The following ESCO1 variants were observed in gnomAD, a reference collection of about 807,000 sequenced individuals.
ESCO1 encodes the protein N-acetyltransferase ESCO1.
A neutral mutation model predicts 83.5 loss-of-function variants in ESCO1; 33 were observed. That is an observed-to-expected ratio of 0.40 (90% CI 0.30 to 0.53). The LOEUF (loss-of-function observed/expected upper bound fraction) is 0.53, where lower values mean the gene tolerates loss of function less well. Among genes scored for constraint, ESCO1 ranks in the 20% least tolerant of loss-of-function variants. ESCO1 has a pLI of 0.63. For missense variants in ESCO1, 855 were observed against 968.0 expected, an observed-to-expected ratio of 0.88 and a Z score of 1.55; for synonymous variants, 332 against 324.3, an observed-to-expected ratio of 1.02 and a Z score of -0.25.
chr18:21,533,085 T>G (rs1323904295), intron 10 of ESCO1, among the ~76,000 whole-genome samples: 1 of 152,046 alleles, frequency 6.6e-6, no homozygotes, highest in Non-Finnish European at 1.5e-5. Context: ...CTGTCACAGT[T>G]CTAGATTTCA....
At chr18:21,588,393 GC>G (rs2038613027) in intron 1 of ESCO1, among the ~76,000 whole-genome samples, 1 of 151,292 alleles carries the variant, frequency 6.6e-6, no homozygotes, top group Admixed American at 6.6e-5. Context: ...CTAAGGAGTA[GC>G]CATTTTTTAT....
rs57346736 is a variant in ESCO1, at chr18:21,551,112, C to CAAA, written c.1953+9744_1953+9746dup. On this transcript the variant is annotated intron_variant, in intron 8 of 11. Transcript: ENST00000269214. ...GGGCTGCAAGAGCAAAACTCTGTCTCAAAAAAAAAAAAAAAAAGAAAACAA... is the reference window on the plus strand; with the variant it reads ...GGGCTGCAAGAGCAAAACTCTGTCTCAAAAAAAAAAAAAAAAAAAAGAAAACAA... 9.4e-3 allele frequency among the ~76,000 whole-genome samples: 710 copies of CAAA among 75,246 alleles called. 11 individuals carry two copies. Among genetic ancestry groups the CAAA allele is most frequent in the African/African-American group, 0.037 (684 of 18,254 alleles). The allele number at this position is 75,246 out of a possible 152,430, so 49.4% of individuals were successfully genotyped here. A position where few individuals can be genotyped will look rare whatever the true frequency, so the allele number is the denominator to read the frequency against.
chr18:21,584,101 T>C (rs1183834128), intron 2 of ESCO1, among the ~76,000 whole-genome samples: 2 of 152,194 alleles, frequency 1.3e-5, no homozygotes, highest in Admixed American at 1.3e-4. Context: ...TGATGATTTC[T>C]AAACAAGAGA....
At chr18:21,556,934 C>A (rs2146194003) in intron 8 of ESCO1, among the ~76,000 whole-genome samples, 2 of 152,250 alleles carry the variant, frequency 1.3e-5, no homozygotes, top group Middle Eastern at 6.8e-3. Flanking sequence ...CTCCTGATCT[C>A]AAGTGATCCA....
intron 8 of ESCO1, among the ~76,000 whole-genome samples, chr18:21,551,739 AG>A (rs528412234): frequency 1.7e-4 from 26 of 152,338 alleles, no homozygotes; most frequent in Non-Finnish European, 3.7e-4. Context: ...TTGGGCTGGA[AG>A]GTATAGAGAG....
chr18:21,554,638 G>A (rs751809091), intron 8 of ESCO1, among the ~76,000 whole-genome samples: 19 of 152,112 alleles, frequency 1.2e-4, no homozygotes, highest in Admixed American at 2.6e-4. Flanking sequence ...GGCAAGGCGT[G>A]GTGGCTCACA....
chr18:21,540,925 T>C (rs1334246939), intron 8 of ESCO1, among the ~76,000 whole-genome samples: 4 of 152,122 alleles, frequency 2.6e-5, no homozygotes, highest in Admixed American at 2.6e-4. Flanking sequence ...CTGATGTTTC[T>C]TCTAAGAACA....
intron 8 of ESCO1, chr18:21,540,737 A>T: frequency 8.0e-7 from 1 of 1,250,742 alleles, no homozygotes. Context: ...AAGCCACTTA[A>T]ATCTAGTAAG....
At chr18:21,588,980 G>A (rs897948003) in intron 1 of ESCO1, among the ~76,000 whole-genome samples, 1 of 152,084 alleles carries the variant, frequency 6.6e-6, no homozygotes, top group African/African-American at 2.4e-5. Flanking sequence ...GGTGGCTCAC[G>A]CCTGTAAGCC....
chr18:21,573,316 T>C lies in ESCO1; in HGVS notation c.1528A>G (p.Lys510Glu), dbSNP rs2146210010. ...MKHSFDSASN[K>E]NFSQCLESKL... ...TGTGCATAATAAAAACAGATTACCT[T>C]ATTTGATGCTGAATCAAAAGAATGT... The change falls in exon 4 of 12, where the codon AAG (lysine) becomes GAG (glutamate). Residue 510 changes from lysine (K) to glutamate (E), a missense_variant and splice_region_variant. Lys to Glu is a moderately conservative substitution (Grantham distance 56, BLOSUM62 1). Transcript: ENST00000269214. 6.4e-7 allele frequency: 1 copy of C among 1,565,368 alleles called. No individual in the cohort carries two copies. Among genetic ancestry groups the C allele is most frequent in the East Asian group, 2.2e-5 (1 of 44,694 alleles).
At chr18:21,572,735 T>C (rs533587310) in intron 4 of ESCO1, among the ~76,000 whole-genome samples, 8 of 151,772 alleles carry the variant, frequency 5.3e-5, no homozygotes, top group South Asian at 4.2e-4. Context: ...GAGGCCGAGG[T>C]GGATGGATTA....
At chr18:21,540,062 ATATTC>A in intron 8 of ESCO1, 53 bp from the exon 9 acceptor site, 2 of 1,420,520 alleles carry the variant, frequency 1.4e-6, no homozygotes, top group South Asian at 1.3e-5. Context: ...AATTTTATGT[ATATTC>A]TATTCATTAT....
At chr18:21,561,089 T>C (rs2038180004) in intron 7 of ESCO1, 99 bp from the exon 8 acceptor site, 1 of 1,181,430 alleles carries the variant, frequency 8.5e-7, no homozygotes, top group Non-Finnish European at 1.1e-6. Flanking sequence ...GTAAGAATTG[T>C]TTAATCTACA....
chr18:21,579,794 G>GCGCACACA lies in ESCO1; in HGVS notation c.-693-4018_-693-4017insTGTGTGCG, dbSNP rs1192534759. 1.5e-3 allele frequency among the ~76,000 whole-genome samples: 54 copies of GCGCACACA among 37,164 alleles called. 1 individual carries two copies. In the East Asian group the frequency reaches 0.03, roughly 21 times the overall value. The allele number at this position is 37,164 out of a possible 152,430, so 24.4% of individuals were successfully genotyped here. On this transcript the variant is annotated intron_variant, in intron 2 of 11. Coordinates refer to ENST00000269214, the MANE Select transcript of ESCO1 (RefSeq NM_052911.3). ...CTGACACACACACACACGCGCGCGCGCACACACACACACACACACACACAC... is the reference window on the plus strand; with the variant it reads ...CTGACACACACACACACGCGCGCGCGCGCACACACACACACACACACACACACACACAC...
At chr18:21,576,083 A>G (rs2038415334) in intron 2 of ESCO1, among the ~76,000 whole-genome samples, 1 of 152,236 alleles carries the variant, frequency 6.6e-6, no homozygotes, top group Non-Finnish European at 1.5e-5. Context: ...TTTTGGGGAA[A>G]AAACAAAGCA....
intron 6 of ESCO1, among the ~76,000 whole-genome samples, chr18:21,565,689 A>G (rs1478083539): frequency 6.6e-6 from 1 of 152,198 alleles, no homozygotes; most frequent in African/African-American, 2.4e-5. Flanking sequence ...ATAATCCCAG[A>G]GATTTGAGAG....
intron 2 of ESCO1, among the ~76,000 whole-genome samples, chr18:21,579,300 A>T (rs2038460633): frequency 6.6e-6 from 1 of 151,880 alleles, no homozygotes; most frequent in Non-Finnish European, 1.5e-5. Context: ...GGCCAAAAAA[A>T]TTTTCTAATA....
chr18:21,573,201 C>T lies in ESCO1; in HGVS notation c.1530+113G>A, dbSNP rs531420307. The T allele has an allele frequency of 9.2e-6, 10 of 1,088,766 alleles. No homozygotes were observed. In the Admixed American group the frequency reaches 2.5e-4, roughly 27 times the overall value. The allele number at this position is 1,088,766 out of a possible 1,614,324, so 67.4% of individuals were successfully genotyped here. ...TCTCGCTAACAACTTAACAGGAGAA[C>T]TTAAACAACTCTTCAATCTTTTATG... On this transcript the variant is annotated intron_variant, in intron 4 of 11. Coordinates refer to ENST00000269214, the MANE Select transcript of ESCO1 (RefSeq NM_052911.3).
chr18:21,577,137 T>C (rs373714894), intron 2 of ESCO1, among the ~76,000 whole-genome samples: 75 of 150,848 alleles, frequency 5.0e-4, no homozygotes, highest in Admixed American at 3.7e-3. Flanking sequence ...GGCGAATCAC[T>C]TGTGGCCAGG....
Sources: gnomAD v4.1 joint callset for allele counts (sites outside exome capture counted in the v4.1 genomes callset) on GRCh38, gnomAD v4.1.1 for gene constraint, MANE v1.5 for transcripts, NCBI Gene and HGNC (gene_info 2026-07-23, HGNC 2026-07-21) for gene names.